Variants in MTNR1A observed in about 807,000 individuals in gnomAD.
MTNR1A encodes the protein melatonin receptor 1A.
MTNR1A carries 7 observed loss-of-function variants against 5.5 expected under a neutral mutation model. The ratio of observed to expected loss-of-function variants is 1.28; its 90% confidence interval spans 0.73 to 2.40. MTNR1A has a LOEUF of 2.40. Among genes scored for constraint, MTNR1A ranks in the 30% most tolerant of loss-of-function variants. The pLI, the probability that MTNR1A is intolerant of heterozygous loss-of-function variation, is 0.00. For synonymous variants in MTNR1A, 196 were observed against 202.7 expected, an observed-to-expected ratio of 0.97 and a Z score of 0.28; for missense variants, 441 against 464.4, an observed-to-expected ratio of 0.95 and a Z score of 0.46.
intron 1 of MTNR1A, among the ~76,000 whole-genome samples, chr4:186,535,200 A>G (rs1475691507): frequency 1.3e-5 from 2 of 152,156 alleles, no homozygotes; most frequent in Non-Finnish European, 2.9e-5. Context: ...AGATGAGACT[A>G]TCTGTGGTGA....
At chr4:186,553,316 C>G (rs538467883) in intron 1 of MTNR1A, among the ~76,000 whole-genome samples, 1 of 152,286 alleles carries the variant, frequency 6.6e-6, no homozygotes, top group East Asian at 1.9e-4. Context: ...CAAAAAATCC[C>G]TATTAGAAAA....
chr4:186,549,089 C>T (rs1314256659), intron 1 of MTNR1A, among the ~76,000 whole-genome samples: 2 of 151,410 alleles, frequency 1.3e-5, no homozygotes, highest in East Asian at 3.9e-4. Context: ...AATGAGTGAA[C>T]CAGAATTTTC....
intron 1 of MTNR1A, among the ~76,000 whole-genome samples, chr4:186,538,955 C>A (rs1262973700): frequency 1.3e-5 from 2 of 152,168 alleles, no homozygotes; most frequent in Non-Finnish European, 2.9e-5. Context: ...TGTGGCAGCT[C>A]ACGCCTGTAA....
intron 1 of MTNR1A, among the ~76,000 whole-genome samples, chr4:186,550,111 T>A (rs2111386636): frequency 6.6e-6 from 1 of 152,346 alleles, no homozygotes; most frequent in South Asian, 2.1e-4. Flanking sequence ...AGTTTATTTC[T>A]TATCTGCAGC....
intron 1 of MTNR1A, among the ~76,000 whole-genome samples, chr4:186,538,375 G>T (rs1164893785): frequency 6.6e-6 from 1 of 152,250 alleles, no homozygotes; most frequent in Admixed American, 6.5e-5. Context: ...TTTGAAGGCG[G>T]AAGTGCAGCA....
intron 1 of MTNR1A, among the ~76,000 whole-genome samples, chr4:186,547,096 A>AC (rs1454754356): frequency 2.6e-5 from 1 of 38,504 alleles, no homozygotes; most frequent in East Asian, 1.4e-3. Flanking sequence ...CACCGTCCTC[A>AC]CACCCTGTTC....
chr4:186,554,505 A>G (rs1237059634), intron 1 of MTNR1A, among the ~76,000 whole-genome samples: 1 of 152,244 alleles, frequency 6.6e-6, no homozygotes, highest in Non-Finnish European at 1.5e-5. Context: ...AACCAGTTCA[A>G]TGCATTGCTC....
At chr4:186,551,414 T>G (rs1737264651) in intron 1 of MTNR1A, among the ~76,000 whole-genome samples, 2 of 142,140 alleles carry the variant, frequency 1.4e-5, no homozygotes, top group Non-Finnish European at 3.0e-5. Context: ...TGTCTACTTG[T>G]TTTTTTTTTT....
At chr4:186,539,788 C>A (rs1234358819) in intron 1 of MTNR1A, among the ~76,000 whole-genome samples, 1 of 152,194 alleles carries the variant, frequency 6.6e-6, no homozygotes, top group Non-Finnish European at 1.5e-5. Flanking sequence ...ACTTCCCAGT[C>A]TACATTGTTA....
Position 186,534,334 on chromosome 4 carries a change from G to A in MTNR1A, c.408C>T (p.Asp136=), listed in dbSNP as rs754984108. Reference sequence around the variant, plus strand: ...GGGAGTTCTTGCTGCTGTACAGTTTGTCGTACTTGAGACTGTGGCAGATGT... The same window carrying A: ...GGGAGTTCTTGCTGCTGTACAGTTTATCGTACTTGAGACTGTGGCAGATGT... The part of the protein sequence containing the change: ...YCYICHSLKY[D]KLYSSKNSLC... The change falls in exon 2 of 2, where the codon GAC becomes GAT. Residue 136 remains aspartate, a synonymous_variant. Transcript: ENST00000307161. 1.9e-6 allele frequency: 3 copies of A among 1,614,152 alleles called. No homozygotes were observed. Among genetic ancestry groups the A allele is most frequent in the South Asian group, 2.2e-5 (2 of 91,086 alleles).
In MTNR1A at chr4:186,533,990, C is replaced by T; in HGVS notation, c.752G>A (p.Trp251Ter). ...FVVFVLFAIC[W>*]APLNFIGLAV... is the part of the protein sequence containing the mutation. ...CAGGCCAATGAAGTTCAGAGGAGCC[C>T]AGCAAATGGCAAAAAGGACAAAAAC... Residue 251 changes from tryptophan (W) to a stop codon, truncating the protein, a stop_gained, in exon 2 of 2, where the codon TGG becomes TAG. Coordinates refer to ENST00000307161, the MANE Select transcript of MTNR1A (RefSeq NM_005958.4). LOFTEE classifies it low-confidence loss of function (END_TRUNC). 6.2e-7 allele frequency: 1 copy of T among 1,614,052 alleles called. No homozygotes were observed. The highest frequency in any genetic ancestry group is 8.5e-7 in the Non-Finnish European group (1 of 1,180,010).
At chr4:186,550,259 G>A (rs759554414) in intron 1 of MTNR1A, among the ~76,000 whole-genome samples, 33 of 152,166 alleles carry the variant, frequency 2.2e-4, no homozygotes, top group Non-Finnish European at 3.2e-4. Flanking sequence ...CAATGATACC[G>A]TGCAGAGTTC....
chr4:186,552,791 C>T (rs911308764), intron 1 of MTNR1A, among the ~76,000 whole-genome samples: 1 of 152,162 alleles, frequency 6.6e-6, no homozygotes, highest in Non-Finnish European at 1.5e-5. Flanking sequence ...CGTTCCATTG[C>T]GGGAATCGTC....
intron 1 of MTNR1A, among the ~76,000 whole-genome samples, chr4:186,549,922 A>G (rs554808218): frequency 6.6e-6 from 1 of 152,310 alleles, no homozygotes; most frequent in East Asian, 1.9e-4. Flanking sequence ...ACGCTTTTAA[A>G]CCGTGCACCC....
At chr4:186,534,613 G>A in intron 1 of MTNR1A, 56 bp from the exon 2 acceptor site, 1 of 1,580,860 alleles carries the variant, frequency 6.3e-7, no homozygotes, top group South Asian at 1.1e-5. Flanking sequence ...TGGGTTTTCT[G>A]TTACAATTGT....
intron 1 of MTNR1A, among the ~76,000 whole-genome samples, chr4:186,542,617 A>C (rs1207462972): frequency 1.3e-5 from 2 of 152,124 alleles, no homozygotes; most frequent in African/African-American, 4.8e-5. Context: ...ATTAACATAG[A>C]ATGTTGTTCA....
chr4:186,555,244 T>G lies in MTNR1A; in HGVS notation c.122A>C (p.Asp41Ala). 1 of 1,578,314 alleles carries G rather than the reference T, an allele frequency of 6.3e-7. No individual in the cohort carries two copies. Among genetic ancestry groups the G allele is most frequent in the Non-Finnish European group, 8.6e-7 (1 of 1,162,952 alleles). The change falls in exon 1 of 2, where the codon GAC becomes GCC. Residue 41 changes from aspartate (D) to alanine (A), a missense_variant. Coordinates refer to ENST00000307161, the MANE Select transcript of MTNR1A (RefSeq NM_005958.4). The surrounding 1 kb of genome is among the most constrained non-coding windows in gnomAD (Gnocchi z 4.1). ...GATGACCAGGAGGTTGCCCAGGATG[T>G]CCACCACGATGGTGAAGATGAGGAC... Reference protein sequence around the residue: ...ACVLIFTIVVDILGNLLVILS... With the variant: ...ACVLIFTIVVAILGNLLVILS...
intron 1 of MTNR1A, among the ~76,000 whole-genome samples, chr4:186,534,930 A>G (rs1262907135): frequency 1.3e-5 from 2 of 152,136 alleles, no homozygotes; most frequent in African/African-American, 2.4e-5. Flanking sequence ...GCCAGCCACA[A>G]CTTCCTTAAG....
chr4:186,539,685 C>T (rs937642896), intron 1 of MTNR1A, among the ~76,000 whole-genome samples: 3 of 152,210 alleles, frequency 2.0e-5, no homozygotes, highest in African/African-American at 4.8e-5. Context: ...TGGAAGCAGA[C>T]AGCAGCCCTC....
Sources: allele counts gnomAD v4.1 joint callset (sites outside exome capture counted in the v4.1 genomes callset), GRCh38; gene constraint gnomAD v4.1.1; non-coding constraint Gnocchi (gnomAD v3.1); transcripts MANE v1.5; gene names NCBI Gene and HGNC (gene_info 2026-07-23, HGNC 2026-07-21).